The following CCDC47 variants were observed in gnomAD, a reference collection of about 807,000 sequenced individuals.
CCDC47 encodes PAT complex subunit CCDC47.
A neutral mutation model predicts 60.5 loss-of-function variants in CCDC47; 41 were observed. That is an observed-to-expected ratio of 0.68 (90% confidence interval 0.53 to 0.88). The LOEUF (loss-of-function observed/expected upper bound fraction) is 0.88, where lower values mean the gene tolerates loss of function less well. Ranked by LOEUF, CCDC47 falls within the 40% of genes least tolerant of loss-of-function variation. The pLI is 0.00. For synonymous variants in CCDC47, 195 were observed against 190.7 expected, an observed-to-expected ratio of 1.02 and a Z score of -0.18; for missense variants, 513 against 580.9, an observed-to-expected ratio of 0.88 and a Z score of 1.20.
chr17:63,769,163 T>C (rs1050909882), intron 1 of CCDC47, among the ~76,000 whole-genome samples: 2 of 149,184 alleles, frequency 1.3e-5, no homozygotes, highest in African/African-American at 5.0e-5. Flanking sequence ...GGTGGGAGAA[T>C]CACCTGAGCC....
chr17:63,765,489 C>T (rs1378027407), intron 2 of CCDC47: 2 of 154,684 alleles, frequency 1.3e-5, no homozygotes, highest in Middle Eastern at 3.3e-3. Flanking sequence ...GACAGGCACG[C>T]ACCACCACGC....
chr17:63,751,333 TC>T (rs1172396947), intron 12 of CCDC47, among the ~76,000 whole-genome samples: 7 of 112,566 alleles, frequency 6.2e-5, no homozygotes, highest in Admixed American at 1.3e-4. Context: ...GCCATTGCAC[TC>T]CAGCCTGGGT....
chr17:63,747,178 G>A lies in CCDC47; in HGVS notation c.1372-217C>T, dbSNP rs1380651413. The A allele has an allele frequency of 9.2e-6, 9 of 982,916 alleles. No homozygotes were observed. In the African/African-American group the frequency reaches 1.6e-4, roughly 17 times the overall value. The allele number at this position is 982,916 out of a possible 1,614,324, so 60.9% of individuals were successfully genotyped here. On this transcript the variant is annotated intron_variant, in intron 12 of 12. Coordinates refer to ENST00000225726, the MANE Select transcript of CCDC47 (RefSeq NM_020198.3). ...AAAAATTAAATCAACTTCAAATGAA[G>A]CAAAGGTAAACTAAAATCTCAGTTT...
In CCDC47 at chr17:63,752,405, G is replaced by A. The variant is rs763131765; in HGVS notation, c.1118C>T (p.Pro373Leu). 8 of 1,613,122 alleles carry A rather than the reference G, an allele frequency of 5.0e-6. No homozygotes were observed. The highest frequency in any genetic ancestry group is 1.7e-6 in the Non-Finnish European group (2 of 1,179,456). ...FNVPGSGNTY[P>L]KDMEALLPLM... ...GGGTAGCAGTGCCTCCATATCCTTT[G>A]GGTAAGTGTTACCTGAGCCAGGCAC... is the stretch of plus-strand genomic sequence containing the variant. Residue 373 changes from proline to leucine, a missense_variant, in exon 11 of 13, where the codon CCA becomes CTA. By Grantham distance (98) the Pro-to-Leu change is moderately conservative. Transcript: ENST00000225726.
chr17:63,754,371 G>A lies in CCDC47; in HGVS notation c.1034+62C>T, dbSNP rs946010940. The A allele has an allele frequency of 5.1e-6, 5 of 978,324 alleles. No individual in the cohort carries two copies. The African/African-American group carries it at 6.5e-5, about 13-fold the overall frequency. The allele number at this position is 978,324 out of a possible 1,614,324, so 60.6% of individuals were successfully genotyped here. ...AGGGATATTGCAGAAGCACCTTACA[G>A]GTGTTTCAACACAGAAAGCTAGTGA... On this transcript the variant is annotated intron_variant, in intron 9 of 12. Transcript: ENST00000225726.
chr17:63,753,037 T>C (rs2039179345), intron 9 of CCDC47: 1 of 586,638 alleles, frequency 1.7e-6, no homozygotes. Context: ...CCAGTGATGT[T>C]CCCTCCAGGC....
At position 63,766,042 on chromosome 17, in the gene CCDC47, A is replaced by T. The variant is rs2039295402; in HGVS notation, c.134T>A (p.Val45Asp). The change falls in exon 2 of 13, where the codon GTC becomes GAC. Residue 45 changes from valine (V) to aspartate (D), a missense_variant. By Grantham distance (152) the Val-to-Asp change is radical (BLOSUM62 -3). Transcript: ENST00000225726. ...AGATTCAGTAACAGAGTCTTCCATG[A>T]CATCCTCAAATTCAGCGAAGTCATT... ...DDNDFAEFEDVMEDSVTESPQ... is the reference protein window; with the variant it reads ...DDNDFAEFEDDMEDSVTESPQ... The T allele has an allele frequency of 1.2e-6, 2 of 1,614,114 alleles. No individual in the cohort carries two copies. The highest frequency in any genetic ancestry group is 4.5e-5 in the East Asian group (2 of 44,870).
intron 6 of CCDC47, among the ~76,000 whole-genome samples, chr17:63,758,273 A>G (rs1041437613): frequency 1.3e-5 from 2 of 152,220 alleles, no homozygotes; most frequent in East Asian, 1.9e-4. Context: ...TCCAGATGGT[A>G]GTATGGGTAA....
chr17:63,760,461 A>G lies in CCDC47; in HGVS notation c.735+453T>C, dbSNP rs1035695734. ...AAGATGATGCTCTGTCCAAGGAGAA[A>G]AAGGGTCCATTTTTTGTCAAGGGAC... is the stretch of plus-strand genomic sequence containing the variant. On this transcript the variant is annotated intron_variant, in intron 6 of 12. Transcript: ENST00000225726. Among the ~76,000 whole-genome samples the G allele has an allele frequency of 6.6e-5, 10 of 152,226 alleles. 1 individual carries two copies. The East Asian group carries it at 1.9e-3, about 29-fold the overall frequency.
intron 9 of CCDC47, 50 bp downstream of exon 9, chr17:63,754,383 C>T: frequency 6.9e-6 from 8 of 1,163,282 alleles, no homozygotes; most frequent in Non-Finnish European, 1.0e-5. Flanking sequence ...TGTTTCAACA[C>T]AGAAAGCTAG....
At chr17:63,767,117 A>C in intron 1 of CCDC47, 1 of 160,806 alleles carries the variant, frequency 6.2e-6, no homozygotes, top group Non-Finnish European at 1.3e-5. Flanking sequence ...GATGCTAAGT[A>C]GTACAACTAC....
At chr17:63,765,401 C>T (rs1487200066) in intron 2 of CCDC47, among the ~76,000 whole-genome samples, 2 of 151,774 alleles carry the variant, frequency 1.3e-5, no homozygotes, top group African/African-American at 4.8e-5. Flanking sequence ...AGTGCAGTGG[C>T]TCAATCTCAG....
Position 63,752,789 on chromosome 17 carries a change from G to C in CCDC47, c.1045C>G (p.Pro349Ala), listed in dbSNP as rs2039177256. 9 of 1,611,514 alleles carry C rather than the reference G, an allele frequency of 5.6e-6. No homozygotes were observed. The highest frequency in any genetic ancestry group is 6.8e-6 in the Non-Finnish European group (8 of 1,178,866). Residue 349 changes from proline (P) to alanine (A), a missense_variant, in exon 10 of 13, where the codon CCT becomes GCT. Pro to Ala is a conservative substitution (Grantham distance 27, BLOSUM62 -1). Coordinates refer to ENST00000225726, the MANE Select transcript of CCDC47 (RefSeq NM_020198.3). ...CTCTTAGTGTCAGGTAGCTTTAAAG[G>C]CTGACCTTCCCTGTCATAAAAGAAA... ...GPKIMQEEGQ[P>A]LKLPDTKRTL...
In CCDC47 at chr17:63,760,939, A is replaced by T; in HGVS notation, c.710T>A (p.Met237Lys). The change falls in exon 6 of 13, where the codon ATG becomes AAG. Residue 237 changes from methionine to lysine, a missense_variant. Coordinates refer to ENST00000225726, the MANE Select transcript of CCDC47 (RefSeq NM_020198.3). ...RQDLLNVLAR[M>K]MRPVSDQVQI... ...CACTTGATCACTCACTGGCCTCATC[A>T]TCCGGGCCAGGACATTCAGTAAGTC... 6.2e-7 allele frequency: 1 copy of T among 1,613,782 alleles called. No homozygotes were observed. Among genetic ancestry groups the T allele is most frequent in the Non-Finnish European group, 8.5e-7 (1 of 1,179,728 alleles).
intron 6 of CCDC47, among the ~76,000 whole-genome samples, chr17:63,759,331 A>G (rs939453456): frequency 1.3e-5 from 2 of 149,414 alleles, no homozygotes; most frequent in Non-Finnish European, 3.0e-5. Context: ...TCTACTAAAA[A>G]TACAAAAATT....
intron 12 of CCDC47, among the ~76,000 whole-genome samples, chr17:63,751,493 T>C (rs1347548838): frequency 6.6e-6 from 1 of 151,170 alleles, no homozygotes; most frequent in Non-Finnish European, 1.5e-5. Context: ...AAAAAGCTTT[T>C]GAGTTTGAGA....
At chr17:63,759,538 T>A (rs1420782615) in intron 6 of CCDC47, among the ~76,000 whole-genome samples, 344 of 13,258 alleles carry the variant, frequency 0.026, 91 homozygotes, top group African/African-American at 0.14. Flanking sequence ...TATATATATA[T>A]ATATATATAT....
At chr17:63,751,880 A>G (rs1274903688) in intron 12 of CCDC47, 60 bp downstream of exon 12, 1 of 1,576,940 alleles carries the variant, frequency 6.3e-7, no homozygotes, top group East Asian at 2.2e-5. Context: ...AACAACCAAC[A>G]GAACACAAGC....
intron 1 of CCDC47, among the ~76,000 whole-genome samples, chr17:63,771,045 G>GAAAGAAAGAAAGAAAGA (rs56378189): frequency 5.6e-4 from 55 of 97,826 alleles, no homozygotes; most frequent in African/African-American, 2.1e-3. Context: ...AGGAAGGAAG[G>GAAAGAAAGAAAGAAAGA]AAGAAAGAAA....
Sources: allele counts gnomAD v4.1 joint callset (sites outside exome capture counted in the v4.1 genomes callset), GRCh38; gene constraint gnomAD v4.1.1; transcripts MANE v1.5; gene names NCBI Gene and HGNC (gene_info 2026-07-23, HGNC 2026-07-21).